Variants in TXNDC11 observed in about 807,000 individuals in gnomAD.
TXNDC11 encodes thioredoxin domain containing 11.
Under a neutral mutation model 78.0 loss-of-function variants are expected in TXNDC11, and 68 were observed. The observed-to-expected ratio is 0.87, with a 90% CI of 0.72 to 1.07. The LOEUF (loss-of-function observed/expected upper bound fraction) is 1.07. Ranked by LOEUF, TXNDC11 falls within the 50% of genes least tolerant of loss-of-function variation. The probability of loss-of-function intolerance (pLI) is 0.00; values close to 1 mark genes in which losing one functional copy is unlikely to be tolerated. For synonymous variants in TXNDC11, 571 were observed against 495.2 expected, an observed-to-expected ratio of 1.15 and a Z score of -2.03; for missense variants, 1,389 against 1,221.8, an observed-to-expected ratio of 1.14 and a Z score of -2.04.
chr16:11,726,579 CA>C (rs35512803), intron 4 of TXNDC11, among the ~76,000 whole-genome samples: 37,511 of 83,000 alleles, frequency 0.45, 4,679 homozygotes, highest in Middle Eastern at 0.51. Flanking sequence ...GACTCCACCT[CA>C]AAAAAAAAAA....
intron 5 of TXNDC11, among the ~76,000 whole-genome samples, chr16:11,711,523 GACA>G (rs1412274987): frequency 6.6e-6 from 1 of 152,082 alleles, no homozygotes; most frequent in Non-Finnish European, 1.5e-5. Flanking sequence ...CAAAGCCAGT[GACA>G]ACTAGACTGT....
In TXNDC11 at chr16:11,692,230, G is replaced by T. The variant is rs180976808; in HGVS notation, c.1108-148C>A. ...AATGGAAAATTCCAGAAATAAACAA[G>T]TCGTAAGTTTTAAACTACATGTCGC... On this transcript the variant is annotated intron_variant, in intron 7 of 11. Transcript: ENST00000283033. The T allele has an allele frequency of 1.0e-5, 7 of 685,598 alleles. No homozygotes were observed. In the Admixed American group the frequency reaches 2.3e-4, roughly 23 times the overall value. 42.5% of individuals were successfully genotyped at this position (685,598 alleles called of 1,614,324 possible). A position where few individuals can be genotyped will look rare whatever the true frequency, so the allele number is the denominator to read the frequency against.
chr16:11,686,945 C>A (rs912416555), intron 10 of TXNDC11, among the ~76,000 whole-genome samples: 1 of 152,182 alleles, frequency 6.6e-6, no homozygotes, highest in South Asian at 2.1e-4. Flanking sequence ...AACTAGAGTG[C>A]CTTCACTAAG....
rs747981331 is a variant in TXNDC11 at position 11,679,556 on chromosome 16, C to T, written c.2516G>A (p.Arg839Gln). The T allele has an allele frequency of 4.7e-5, 76 of 1,613,600 alleles. No homozygotes were observed. The highest frequency in any genetic ancestry group is 6.1e-5 in the Non-Finnish European group (72 of 1,180,014). Residue 839 changes from arginine (R) to glutamine (Q), a missense_variant, in exon 12 of 12, where the codon CGG (arginine) becomes CAG (glutamine). Physicochemically the swap from Arg to Gln is conservative, Grantham distance 43. Coordinates refer to ENST00000283033, the MANE Select transcript of TXNDC11 (RefSeq NM_015914.7). The surrounding 1 kb of genome is among the most constrained non-coding windows in gnomAD (Gnocchi z 4.6). ...SSARRDEHRL[R>Q]QQQRALEEQH... ...CTCTTCCAGGGCCCGCTGCTGCTGCCGCAGCCGGTGCTCATCTCTGCGGGC... is the reference window on the plus strand; with the variant it reads ...CTCTTCCAGGGCCCGCTGCTGCTGCTGCAGCCGGTGCTCATCTCTGCGGGC...
chr16:11,697,026 T>C (rs1388946588), intron 7 of TXNDC11, among the ~76,000 whole-genome samples: 1 of 152,216 alleles, frequency 6.6e-6, no homozygotes, highest in Admixed American at 6.5e-5. Flanking sequence ...TCATTTGAAA[T>C]GGTGCCTCAG....
At chr16:11,682,713 G>T (rs572570122) in intron 11 of TXNDC11, among the ~76,000 whole-genome samples, 1 of 152,172 alleles carries the variant, frequency 6.6e-6, no homozygotes, top group Non-Finnish European at 1.5e-5. Context: ...GTTACTGTCC[G>T]TGATTCCTGG....
At chr16:11,703,687 G>T (rs2051098608) in intron 5 of TXNDC11, 1 of 702,564 alleles carries the variant, frequency 1.4e-6, no homozygotes, top group Non-Finnish European at 2.6e-6. Flanking sequence ...GTAGATCTTG[G>T]TTTCTAAATG....
intron 3 of TXNDC11, among the ~76,000 whole-genome samples, chr16:11,731,747 C>T (rs1263820367): frequency 4.6e-5 from 7 of 151,810 alleles, no homozygotes; most frequent in Admixed American, 4.6e-4. Context: ...CTTCCATGTG[C>T]ACTGCAGAAT....
At chr16:11,710,549 T>G (rs2051320499) in intron 5 of TXNDC11, among the ~76,000 whole-genome samples, 1 of 152,174 alleles carries the variant, frequency 6.6e-6, no homozygotes, top group South Asian at 2.1e-4. Flanking sequence ...ACCAGGATAC[T>G]TGCTATTAAA....
intron 5 of TXNDC11, among the ~76,000 whole-genome samples, chr16:11,712,916 C>T (rs1248991143): frequency 1.8e-5 from 2 of 111,020 alleles, no homozygotes; most frequent in Non-Finnish European, 4.3e-5. Flanking sequence ...GGAGAAACCC[C>T]ATTTCCACTT....
intron 4 of TXNDC11, among the ~76,000 whole-genome samples, chr16:11,728,556 T>C (rs2051951651): frequency 6.6e-6 from 1 of 152,200 alleles, no homozygotes; most frequent in Admixed American, 6.5e-5. Flanking sequence ...GCCAAAAAAC[T>C]TAATGTAATG....
At position 11,679,594 on chromosome 16, in the gene TXNDC11, G is replaced by C; in HGVS notation, c.2478C>G (p.Ser826=). Residue 826 remains serine, a synonymous_variant, in exon 12 of 12, where the codon TCC becomes TCG. Coordinates refer to ENST00000283033, the MANE Select transcript of TXNDC11 (RefSeq NM_015914.7). The surrounding 1 kb of genome is among the most constrained non-coding windows in gnomAD (Gnocchi z 4.6). ...SLQRAQVQVE[S]QLSSARRDEH... ...CATCTCTGCGGGCACTGGAGAGCTGGGACTCCACCTGCACTTGTGCTCGCT... is the reference window on the plus strand; with the variant it reads ...CATCTCTGCGGGCACTGGAGAGCTGCGACTCCACCTGCACTTGTGCTCGCT... The C allele has an allele frequency of 6.2e-7, 1 of 1,614,066 alleles. No homozygotes were observed. The highest frequency in any genetic ancestry group is 8.5e-7 in the Non-Finnish European group (1 of 1,180,024).
intron 1 of TXNDC11, 79 bp from the exon 2 acceptor site, chr16:11,736,312 T>A: frequency 8.4e-7 from 1 of 1,192,746 alleles, no homozygotes; most frequent in Non-Finnish European, 1.2e-6. Context: ...GAATGAAGCT[T>A]AAAAGGAAAA....
intron 7 of TXNDC11, among the ~76,000 whole-genome samples, chr16:11,694,824 T>G (rs1567304766): frequency 6.6e-6 from 1 of 151,762 alleles, no homozygotes; most frequent in Non-Finnish European, 1.5e-5. Flanking sequence ...CTATTCCTTT[T>G]ACCTAACAGG....
intron 11 of TXNDC11, among the ~76,000 whole-genome samples, chr16:11,681,923 G>A (rs1004582867): frequency 6.6e-6 from 1 of 152,122 alleles, no homozygotes; most frequent in African/African-American, 2.4e-5. Context: ...AATTTGCAAG[G>A]GATGTAAAAA....
rs555055084 is a variant in TXNDC11, at chr16:11,739,325, G to A, written c.255-3092C>T. Among the ~76,000 whole-genome samples the A allele has an allele frequency of 3.3e-5, 5 of 152,274 alleles. No individual in the cohort carries two copies. The East Asian group carries it at 9.6e-4, about 29-fold the overall frequency. On this transcript the variant is annotated intron_variant, in intron 1 of 11. Coordinates refer to ENST00000283033, the MANE Select transcript of TXNDC11 (RefSeq NM_015914.7). ...GCAAAGATTTCCTGCAGCTATGAGG[G>A]GTATGTCTCGGGTACAAAAAACTCG...
rs574478124 is a variant in TXNDC11, at chr16:11,742,835, C to A, written c.-105G>T. 1.1e-4 allele frequency: 144 copies of A among 1,355,134 alleles called. 1 individual carries two copies. The African/African-American group carries it at 2.0e-3, about 19-fold the overall frequency. The allele number at this position is 1,355,134 out of a possible 1,614,324, so 83.9% of individuals were successfully genotyped here. ...TCCCGCAGCTCGCCGCACCCGCTAA[C>A]CCGGACGCTCCACGTCAGCCGCGCC... On this transcript the variant is annotated 5_prime_UTR_variant, in exon 1 of 12. Transcript: ENST00000283033.
At position 11,705,550 on chromosome 16, in the gene TXNDC11, A is replaced by G. The variant is rs1365972086; in HGVS notation, c.794-4986T>C. 3.9e-5 allele frequency among the ~76,000 whole-genome samples: 6 copies of G among 152,216 alleles called. No individual in the cohort carries two copies. The East Asian group carries it at 1.2e-3, about 29-fold the overall frequency. On this transcript the variant is annotated intron_variant, in intron 5 of 11. Transcript: ENST00000283033. ...ATTCATTTGATAGCCTGCCAAAGTCACCATCGTGATTTATTAGAGCAGAGA... is the reference window on the plus strand; with the variant it reads ...ATTCATTTGATAGCCTGCCAAAGTCGCCATCGTGATTTATTAGAGCAGAGA...
Position 11,721,659 on chromosome 16 carries a change from G to A in TXNDC11, c.711C>T (p.Leu237=), listed in dbSNP as rs767184687. The change falls in exon 5 of 12, where the codon CTC becomes CTT. Residue 237 remains leucine (L), a synonymous_variant. Transcript: ENST00000283033. The part of the protein sequence containing the change: ...DFLSNYEPGV[L]GYFEFSGSPQ... ...GTGAGCCACTGAACTCAAAGTACCCGAGTACTCCAGGCTGCAGGAAAAAGA... is the reference window on the plus strand; with the variant it reads ...GTGAGCCACTGAACTCAAAGTACCCAAGTACTCCAGGCTGCAGGAAAAAGA... 15 of 1,609,220 alleles carry A rather than the reference G, an allele frequency of 9.3e-6. No homozygotes were observed. Among genetic ancestry groups the A allele is most frequent in the Admixed American group, 3.3e-5 (2 of 59,890 alleles).
Sources: allele counts gnomAD v4.1 joint callset (sites outside exome capture counted in the v4.1 genomes callset), GRCh38; gene constraint gnomAD v4.1.1; non-coding constraint Gnocchi (gnomAD v3.1); transcripts MANE v1.5; gene names NCBI Gene and HGNC (gene_info 2026-07-23, HGNC 2026-07-21).